Variants in PEX3 observed in about 807,000 individuals in gnomAD.
PEX3 encodes peroxisomal biogenesis factor 3.
In PEX3, 30 loss-of-function variants were observed where a neutral mutation model predicts 55.8. That is an observed-to-expected ratio of 0.54 (90% confidence interval 0.40 to 0.73). The LOEUF is 0.73. PEX3 is among the 30% of genes least tolerant of loss of function. The pLI is 0.00. For synonymous variants in PEX3, 135 were observed against 148.4 expected (o/e 0.91, Z 0.66); for missense variants, 351 against 432.8 (o/e 0.81, Z 1.68).
At chr6:143,481,080 ATAAT>A (rs1358999118) in intron 10 of PEX3, among the ~76,000 whole-genome samples, 7 of 147,670 alleles carry the variant, frequency 4.7e-5, no homozygotes, top group Non-Finnish European at 8.9e-5. Flanking sequence ...TACGTGTATT[ATAAT>A]TAATAAGCCA....
At position 143,470,966 on chromosome 6, in the gene PEX3, A is replaced by G; in HGVS notation, c.337A>G (p.Thr113Ala). The G allele has an allele frequency of 1.2e-6, 2 of 1,612,644 alleles. No homozygotes were observed. Among genetic ancestry groups the G allele is most frequent in the Non-Finnish European group, 1.7e-6 (2 of 1,178,940 alleles). The stretch of plus-strand genomic sequence containing the variant: ...CTTTTCTTTTCTCTGTGAAGGTTTC[A>G]CAAGAAGTACTGTGGCTGTATACAG... ...IWEDLKIISF[T>A]RSTVAVYSTC... Residue 113 changes from threonine (T) to alanine (A), a missense_variant, in exon 5 of 12, where the codon ACA becomes GCA. Physicochemically the swap from Thr to Ala is moderately conservative, Grantham distance 58. Transcript: ENST00000367591.
chr6:143,474,645 T>G (rs1780126535), intron 8 of PEX3, 141 bp from the exon 9 acceptor site: 2 of 642,264 alleles, frequency 3.1e-6, no homozygotes, highest in African/African-American at 3.7e-5. Context: ...TTTATTTTGG[T>G]GGGGGAGGGT....
At chr6:143,455,614 G>C (rs1188211635) in intron 1 of PEX3, among the ~76,000 whole-genome samples, 1 of 152,074 alleles carries the variant, frequency 6.6e-6, no homozygotes, top group African/African-American at 2.4e-5. Context: ...ATTAAGAAAT[G>C]ATGGCAAGAT....
At position 143,465,221 on chromosome 6, in the gene PEX3, G is replaced by A. The variant is rs1779975836; in HGVS notation, c.287+2224G>A. Among the ~76,000 whole-genome samples the A allele has an allele frequency of 6.6e-6, 1 of 151,848 alleles. No individual in the cohort carries two copies. The highest frequency in any genetic ancestry group is 2.4e-5 in the African/African-American group (1 of 41,384). On this transcript the variant is annotated intron_variant, in intron 3 of 11. Coordinates refer to ENST00000367591, the MANE Select transcript of PEX3 (RefSeq NM_003630.3). This position sits in a 1 kb window ranked among gnomAD's most constrained non-coding sequence, Gnocchi z 4.7. Reference sequence around the variant, plus strand: ...CAAATCATTTGAAAGGAATATTTGTGTTGAAGGTACTTTTCTCTGTTCTAC... The same window carrying A: ...CAAATCATTTGAAAGGAATATTTGTATTGAAGGTACTTTTCTCTGTTCTAC...
chr6:143,453,353 G>A lies in PEX3; in HGVS notation c.73+2238G>A, dbSNP rs1779800671. 1.3e-5 allele frequency among the ~76,000 whole-genome samples: 2 copies of A among 152,144 alleles called. No homozygotes were observed. Among genetic ancestry groups the A allele is most frequent in the African/African-American group, 4.8e-5 (2 of 41,426 alleles). ...AGAGAAGTTTGGGCATTCAATAGTG[G>A]GGGAAGTAAGTAAGTAAAACCTTGA... On this transcript the variant is annotated intron_variant, in intron 1 of 11. Coordinates refer to ENST00000367591, the MANE Select transcript of PEX3 (RefSeq NM_003630.3). The surrounding 1 kb of genome is among the most constrained non-coding windows in gnomAD (Gnocchi z 4.6).
intron 1 of PEX3, among the ~76,000 whole-genome samples, chr6:143,457,183 G>A (rs373491697): frequency 2.0e-5 from 3 of 152,176 alleles, no homozygotes. Context: ...GTGCAAATAA[G>A]ATACAAACAA....
chr6:143,468,821 C>T (rs1179411876), intron 4 of PEX3, among the ~76,000 whole-genome samples: 2 of 131,140 alleles, frequency 1.5e-5, no homozygotes, highest in Admixed American at 1.6e-4. Context: ...CCCCACCCCA[C>T]GACAGGCCCC....
intron 4 of PEX3, among the ~76,000 whole-genome samples, 185 bp from the exon 5 acceptor site, chr6:143,470,776 C>A (rs1327416831): frequency 6.6e-6 from 1 of 152,060 alleles, no homozygotes; most frequent in African/African-American, 2.4e-5. Flanking sequence ...AGGGATCATA[C>A]CTAATTTTTA....
chr6:143,463,912 A>T lies in PEX3; in HGVS notation c.287+915A>T, dbSNP rs1329247415. On this transcript the variant is annotated intron_variant, in intron 3 of 11. Coordinates refer to ENST00000367591, the MANE Select transcript of PEX3 (RefSeq NM_003630.3). This position sits in a 1 kb window ranked among gnomAD's most constrained non-coding sequence, Gnocchi z 5.7. ...TACATAACAAGTGGGGAATTTTTTT[A>T]AAAACACTTACTATATTCAGAGAAT... 6.6e-6 allele frequency among the ~76,000 whole-genome samples: 1 copy of T among 152,090 alleles called. No individual in the cohort carries two copies. The highest frequency in any genetic ancestry group is 6.6e-5 in the Admixed American group (1 of 15,252).
Position 143,489,236 on chromosome 6 carries a change from C to G in PEX3, c.*10C>G, listed in dbSNP as rs759900100. ...GCAACTGGAGAAATGATTTTTCCTTCAAGAAAAACTACAGTGGGATTCATT... is the reference window on the plus strand; with the variant it reads ...GCAACTGGAGAAATGATTTTTCCTTGAAGAAAAACTACAGTGGGATTCATT... On this transcript the variant is annotated 3_prime_UTR_variant, in exon 12 of 12. Transcript: ENST00000367591. The surrounding 1 kb of genome is among the most constrained non-coding windows in gnomAD (Gnocchi z 5.5). The G allele has an allele frequency of 6.8e-7, 1 of 1,463,168 alleles. No individual in the cohort carries two copies. Among genetic ancestry groups the G allele is most frequent in the Non-Finnish European group, 9.6e-7 (1 of 1,042,606 alleles). 90.6% of individuals were successfully genotyped at this position (1,463,168 alleles called of 1,614,324 possible).
At chr6:143,480,129 A>G (rs999310667) in intron 10 of PEX3, among the ~76,000 whole-genome samples, 3 of 152,168 alleles carry the variant, frequency 2.0e-5, no homozygotes, top group Non-Finnish European at 4.4e-5. Flanking sequence ...AAGCATTTGG[A>G]ATGCTTACAG....
chr6:143,460,120 A>G lies in PEX3; in HGVS notation c.205+904A>G, dbSNP rs75363108. 8.5e-5 allele frequency among the ~76,000 whole-genome samples: 13 copies of G among 152,376 alleles called. No individual in the cohort carries two copies. In the East Asian group the frequency reaches 2.5e-3, roughly 29 times the overall value. On this transcript the variant is annotated intron_variant, in intron 2 of 11. Transcript: ENST00000367591. ...AGAACAATTAATTTAGAAACAATTT[A>G]TAAAGGTACATTCTCCTTATTTAAT... is the stretch of plus-strand genomic sequence containing the variant.
rs148686495 is a variant in PEX3, at chr6:143,476,556, T to C, written c.818+1700T>C. 3.0e-4 allele frequency among the ~76,000 whole-genome samples: 45 copies of C among 152,258 alleles called. No individual in the cohort carries two copies. Among genetic ancestry groups the C allele is most frequent in the Admixed American group, 2.0e-3 (31 of 15,292 alleles). The stretch of plus-strand genomic sequence containing the variant: ...GACAGTTGCAGTTTGAACTGGGTGG[T>C]AGCAGTGGTGGCAATAACAAGTGGC... On this transcript the variant is annotated intron_variant, in intron 9 of 11. Coordinates refer to ENST00000367591, the MANE Select transcript of PEX3 (RefSeq NM_003630.3). The surrounding 1 kb of genome is among the most constrained non-coding windows in gnomAD (Gnocchi z 5.4).
At position 143,471,022 on chromosome 6, in the gene PEX3, C is replaced by G. The variant is rs753881655; in HGVS notation, c.393C>G (p.Val131=). 1 of 1,612,668 alleles carries G rather than the reference C, an allele frequency of 6.2e-7. No individual in the cohort carries two copies. Among genetic ancestry groups the G allele is most frequent in the Non-Finnish European group, 8.5e-7 (1 of 1,178,882 alleles). ...GTATGCTGGTTGTTCTTTTGCGGGT[C>G]CAGTTAAACATAATTGGTGGATATA... ...STCMLVVLLR[V]QLNIIGGYIY... The change falls in exon 5 of 12, where the codon GTC becomes GTG. Residue 131 remains valine, a synonymous_variant. Coordinates refer to ENST00000367591, the MANE Select transcript of PEX3 (RefSeq NM_003630.3). This position sits in a 1 kb window ranked among gnomAD's most constrained non-coding sequence, Gnocchi z 5.4.
chr6:143,478,541 C>T (rs148287857), intron 9 of PEX3, among the ~76,000 whole-genome samples: 28 of 152,128 alleles, frequency 1.8e-4, no homozygotes, highest in African/African-American at 6.7e-4. Flanking sequence ...TTCTAGCTTT[C>T]TTGGCATCTT....
intron 3 of PEX3, among the ~76,000 whole-genome samples, chr6:143,467,498 G>C (rs887684748): frequency 6.6e-6 from 1 of 152,076 alleles, no homozygotes; most frequent in Non-Finnish European, 1.5e-5. Flanking sequence ...CCTGCTATGA[G>C]AAAACAGGAC....
chr6:143,481,627 CATT>C (rs909221852), intron 10 of PEX3, among the ~76,000 whole-genome samples: 6 of 152,008 alleles, frequency 3.9e-5, no homozygotes, highest in African/African-American at 1.4e-4. Context: ...AGATAAAAAA[CATT>C]ATCTTCAGTG....
intron 4 of PEX3, among the ~76,000 whole-genome samples, chr6:143,468,615 T>G (rs1333192174): frequency 6.6e-6 from 1 of 152,174 alleles, no homozygotes; most frequent in African/African-American, 2.4e-5. Flanking sequence ...GTCAGCAGAA[T>G]GATGCTTAAG....
At position 143,451,664 on chromosome 6, in the gene PEX3, G is replaced by A. The variant is rs976467223; in HGVS notation, c.73+549G>A. On this transcript the variant is annotated intron_variant, in intron 1 of 11. Transcript: ENST00000367591. This position sits in a 1 kb window ranked among gnomAD's most constrained non-coding sequence, Gnocchi z 4.1. Reference sequence around the variant, plus strand: ...AAATCAATATTTTAGCTCTGTTTCTGCCATTTTAGAATACAAACTATGGCA... The same window carrying A: ...AAATCAATATTTTAGCTCTGTTTCTACCATTTTAGAATACAAACTATGGCA... Among the ~76,000 whole-genome samples, 1 of 152,178 alleles carries A rather than the reference G, an allele frequency of 6.6e-6. No homozygotes were observed. The highest frequency in any genetic ancestry group is 2.4e-5 in the African/African-American group (1 of 41,440).
Sources: gnomAD v4.1 joint callset for allele counts (sites outside exome capture counted in the v4.1 genomes callset) on GRCh38, gnomAD v4.1.1 for gene constraint, Gnocchi (gnomAD v3.1) non-coding constraint, MANE v1.5 for transcripts, NCBI Gene and HGNC (gene_info 2026-07-23, HGNC 2026-07-21) for gene names.